Variants in ZNF804B observed in about 807,000 individuals in gnomAD.
ZNF804B encodes the protein zinc finger 804B.
In ZNF804B, 80 loss-of-function variants were observed where a neutral mutation model predicts 101.4. The ratio of observed to expected loss-of-function variants is 0.79; its 90% CI spans 0.66 to 0.95. ZNF804B has a LOEUF of 0.95. Ranked by LOEUF, ZNF804B falls within the 40% of genes least tolerant of loss-of-function variation. The pLI is 0.00. For synonymous variants in ZNF804B, 622 were observed against 558.8 expected, an observed-to-expected ratio of 1.11 and a Z score of -1.59; for missense variants, 1,673 against 1,561.9, an observed-to-expected ratio of 1.07 and a Z score of -1.20.
intron 1 of ZNF804B, among the ~76,000 whole-genome samples, chr7:89,083,215 G>T (rs1392710677): frequency 2.0e-5 from 3 of 151,618 alleles, no homozygotes; most frequent in African/African-American, 7.3e-5. Flanking sequence ...AGAAAATATA[G>T]CTTACTGTTA....
intron 1 of ZNF804B, among the ~76,000 whole-genome samples, chr7:89,216,480 T>C (rs1788899089): frequency 6.6e-6 from 1 of 152,222 alleles, no homozygotes; most frequent in Non-Finnish European, 1.5e-5. Context: ...AACTGGGTTT[T>C]GACCTTGAAA....
intron 1 of ZNF804B, among the ~76,000 whole-genome samples, chr7:88,966,535 G>A (rs1223946793): frequency 1.3e-5 from 2 of 151,436 alleles, no homozygotes; most frequent in East Asian, 2.0e-4. Flanking sequence ...GAAGAGTGAC[G>A]GCTCAGCCTT....
At chr7:88,800,809 C>G (rs1025873980) in intron 1 of ZNF804B, among the ~76,000 whole-genome samples, 2 of 151,496 alleles carry the variant, frequency 1.3e-5, no homozygotes, top group African/African-American at 4.8e-5. Context: ...TGGAAACAAT[C>G]TGTTCTGGCT....
chr7:89,234,744 C>G (rs980956157), intron 2 of ZNF804B, among the ~76,000 whole-genome samples: 2 of 152,172 alleles, frequency 1.3e-5, no homozygotes, highest in Non-Finnish European at 2.9e-5. Flanking sequence ...ACTCCAGGTT[C>G]TTTGGCTCTT....
At chr7:89,084,053 C>G (rs1789737440) in intron 1 of ZNF804B, among the ~76,000 whole-genome samples, 1 of 151,920 alleles carries the variant, frequency 6.6e-6, no homozygotes, top group African/African-American at 2.4e-5. Flanking sequence ...GTAGGTCTGG[C>G]AAGTCTTGAT....
chr7:88,781,265 G>T (rs913401726), intron 1 of ZNF804B, among the ~76,000 whole-genome samples: 2 of 152,090 alleles, frequency 1.3e-5, no homozygotes, highest in African/African-American at 4.8e-5. Flanking sequence ...TCAGGGTCTG[G>T]TTATCTGAAT....
At chr7:89,166,117 C>T (rs1263261694) in intron 1 of ZNF804B, among the ~76,000 whole-genome samples, 2 of 152,090 alleles carry the variant, frequency 1.3e-5, no homozygotes, top group East Asian at 3.9e-4. Context: ...TCCACAAATG[C>T]AATGCCTTCA....
intron 1 of ZNF804B, among the ~76,000 whole-genome samples, chr7:88,805,778 T>A (rs897087184): frequency 6.6e-6 from 1 of 152,174 alleles, no homozygotes; most frequent in African/African-American, 2.4e-5. Flanking sequence ...AATGCCTCTC[T>A]GGTCCATGTC....
chr7:89,140,591 T>C (rs1255637148), intron 1 of ZNF804B, among the ~76,000 whole-genome samples: 8 of 152,104 alleles, frequency 5.3e-5, no homozygotes, highest in Admixed American at 3.9e-4. Context: ...TTATGTTATG[T>C]AGATGGCTCC....
intron 1 of ZNF804B, among the ~76,000 whole-genome samples, chr7:89,215,594 T>G (rs1361683944): frequency 6.6e-6 from 1 of 151,706 alleles, no homozygotes; most frequent in Non-Finnish European, 1.5e-5. Flanking sequence ...AAAGAAGAAC[T>G]ATGATTAGGC....
At chr7:88,801,359 A>G (rs1300623388) in intron 1 of ZNF804B, among the ~76,000 whole-genome samples, 1 of 151,992 alleles carries the variant, frequency 6.6e-6, no homozygotes, top group Non-Finnish European at 1.5e-5. Context: ...TGCCACGCTC[A>G]GAAGTTTGAA....
chr7:89,196,580 G>T (rs1262371639), intron 1 of ZNF804B, among the ~76,000 whole-genome samples: 1 of 151,896 alleles, frequency 6.6e-6, no homozygotes, highest in Non-Finnish European at 1.5e-5. Context: ...GATTTCATGA[G>T]AGAGATGCCA....
At chr7:88,926,943 C>CAGGT (rs1554346833) in intron 1 of ZNF804B, among the ~76,000 whole-genome samples, 1 of 144,352 alleles carries the variant, frequency 6.9e-6, no homozygotes, top group Non-Finnish European at 1.5e-5. Flanking sequence ...TGGTGGGGAG[C>CAGGT]GGGGGGAAAG....
rs1161431943 is a variant in ZNF804B at position 88,886,210 on chromosome 7, T to C, written c.108+126126T>C. ...TGAAATTTGGGAGGTTTTGTGGTGA[T>C]GGTAGATGGATTAGGGATGATACTC... is the stretch of plus-strand genomic sequence containing the variant. On this transcript the variant is annotated intron_variant, in intron 1 of 3. Coordinates refer to ENST00000333190, the MANE Select transcript of ZNF804B (RefSeq NM_181646.5). Among the ~76,000 whole-genome samples the C allele has an allele frequency of 2.0e-5, 3 of 152,136 alleles. No homozygotes were observed. The East Asian group carries it at 5.8e-4, about 29-fold the overall frequency.
intron 1 of ZNF804B, among the ~76,000 whole-genome samples, chr7:88,871,480 A>C (rs550343379): frequency 3.3e-5 from 5 of 152,298 alleles, no homozygotes; most frequent in African/African-American, 1.2e-4. Context: ...TAACAATTGA[A>C]AGATAATATA....
intron 1 of ZNF804B, among the ~76,000 whole-genome samples, chr7:89,215,533 A>T (rs1285779711): frequency 6.6e-6 from 1 of 151,904 alleles, no homozygotes; most frequent in South Asian, 2.1e-4. Flanking sequence ...GGCAGTGTTG[A>T]CCAATGTCTA....
chr7:89,237,608 A>G (rs2115754429), intron 2 of ZNF804B, among the ~76,000 whole-genome samples: 1 of 152,314 alleles, frequency 6.6e-6, no homozygotes, highest in South Asian at 2.1e-4. Flanking sequence ...AGGAATAAGT[A>G]CAGTTCAGAG....
intron 1 of ZNF804B, among the ~76,000 whole-genome samples, chr7:88,837,613 A>G (rs1791233855): frequency 1.3e-5 from 2 of 152,102 alleles, no homozygotes; most frequent in South Asian, 4.1e-4. Context: ...TGGATTTCAG[A>G]TTGCACATTG....
At chr7:88,958,599 A>G (rs1307375175) in intron 1 of ZNF804B, among the ~76,000 whole-genome samples, 1 of 151,448 alleles carries the variant, frequency 6.6e-6, no homozygotes, top group Non-Finnish European at 1.5e-5. Context: ...ATGGCTGGCC[A>G]CCTTGTGGCT....
Sources: gnomAD v4.1 joint callset for allele counts (sites outside exome capture counted in the v4.1 genomes callset) on GRCh38, gnomAD v4.1.1 for gene constraint, MANE v1.5 for transcripts, NCBI Gene and HGNC (gene_info 2026-07-23, HGNC 2026-07-21) for gene names.